The following INPP4A variants were observed in gnomAD, a reference collection of about 807,000 sequenced individuals.
INPP4A encodes the protein inositol polyphosphate-4-phosphatase type I A, also known as inositol polyphosphate-4-phosphatase, type I, 107kD.
A neutral mutation model predicts 119.8 loss-of-function variants in INPP4A; 33 were observed. The ratio of observed to expected loss-of-function variants is 0.28; its 90% confidence interval spans 0.21 to 0.37. The LOEUF (loss-of-function observed/expected upper bound fraction) is 0.37. INPP4A is among the 10% of genes least tolerant of loss of function. INPP4A has a pLI of 1.00. For missense variants in INPP4A, 956 were observed against 1,289.9 expected (o/e 0.74, Z 3.97); for synonymous variants, 496 against 500.7 (o/e 0.99, Z 0.12).
Position 98,552,821 on chromosome 2 carries a change from C to T in INPP4A, c.1199C>T (p.Pro400Leu). ...GGCTGCCAGTCCATAATCTACATAC[C>T]CCAGGATGTTGTCAGAGCCAAGGAG... ...SSGCQSIIYI[P>L]QDVVRAKEII... The change falls in exon 14 of 25, where the codon CCC becomes CTC. Residue 400 changes from proline (P) to leucine (L), a missense_variant. By Grantham distance (98) the Pro-to-Leu change is moderately conservative. Coordinates refer to ENST00000409851, the MANE Select transcript of INPP4A (RefSeq NM_001134225.2). 1 of 1,613,734 alleles carries T rather than the reference C, an allele frequency of 6.2e-7. No individual in the cohort carries two copies. The highest frequency in any genetic ancestry group is 1.3e-5 in the African/African-American group (1 of 75,036).
Position 98,467,140 on chromosome 2 carries a change from G to T in INPP4A, c.-166+22055G>T, listed in dbSNP as rs62156355. On this transcript the variant is annotated intron_variant, in intron 1 of 24. Transcript: ENST00000409851. ...AGAGGAAGGAAGGGAGCGGGTGGTG[G>T]TGGTGGTGTCCCAGGCTCTTTTCAC... 4.3e-3 allele frequency among the ~76,000 whole-genome samples: 656 copies of T among 152,252 alleles called. 1 individual carries two copies. Among genetic ancestry groups the T allele is most frequent in the Non-Finnish European group, 5.8e-3 (392 of 68,022 alleles).
intron 24 of INPP4A, among the ~76,000 whole-genome samples, chr2:98,582,068 CTATT>C (rs1444650889): frequency 6.6e-6 from 1 of 152,212 alleles, no homozygotes; most frequent in Non-Finnish European, 1.5e-5. Flanking sequence ...TGATGTACAA[CTATT>C]TATCACCTGT....
intron 1 of INPP4A, among the ~76,000 whole-genome samples, chr2:98,454,224 C>A (rs1695702351): frequency 6.6e-6 from 1 of 152,232 alleles, no homozygotes; most frequent in Non-Finnish European, 1.5e-5. Flanking sequence ...CCAGTGAAAG[C>A]ATTGCTGCTT....
chr2:98,564,181 C>A (rs939983221), intron 18 of INPP4A, among the ~76,000 whole-genome samples: 3 of 152,156 alleles, frequency 2.0e-5, no homozygotes, highest in African/African-American at 7.2e-5. Flanking sequence ...TTCCCTCACC[C>A]ATCCTGGAGA....
intron 1 of INPP4A, among the ~76,000 whole-genome samples, chr2:98,470,693 A>G (rs1675823485): frequency 6.6e-6 from 1 of 151,274 alleles, no homozygotes; most frequent in South Asian, 2.1e-4. Context: ...TTTGAGACGG[A>G]GTCTTGCTCT....
At chr2:98,547,314 G>A (rs1559050857) in intron 13 of INPP4A, among the ~76,000 whole-genome samples, 2 of 152,156 alleles carry the variant, frequency 1.3e-5, no homozygotes, top group Non-Finnish European at 1.5e-5. Context: ...CTGGTTCCAG[G>A]AGCTCAGGGC....
At chr2:98,534,054 C>G (rs2105924259) in intron 5 of INPP4A, among the ~76,000 whole-genome samples, 1 of 152,352 alleles carries the variant, frequency 6.6e-6, no homozygotes, top group South Asian at 2.1e-4. Flanking sequence ...GCATGAGATT[C>G]TGCAGAGTTT....
In INPP4A at chr2:98,546,683, G is replaced by C. The variant is rs747532623; in HGVS notation, c.1152G>C (p.Glu384Asp). The C allele has an allele frequency of 1.9e-6, 3 of 1,606,028 alleles. No individual in the cohort carries two copies. Among genetic ancestry groups the C allele is most frequent in the Non-Finnish European group, 2.6e-6 (3 of 1,172,662 alleles). Residue 384 changes from glutamate (E) to aspartate (D), a missense_variant, in exon 13 of 25, where the codon GAG (glutamate) becomes GAC (aspartate). This residue lies in a region of INPP4A where 652 missense variants were observed against 797.9 expected (regional missense o/e 0.82). Transcript: ENST00000409851. The surrounding 1 kb of genome is among the most constrained non-coding windows in gnomAD (Gnocchi z 4.2). ...GLRKKLHKFE[E>D]TKKHTSSGCQ... ...GCAAAAAGCTGCACAAATTTGAAGA[G>C]ACCAAGAAACAGTAAGTAGCCAGAG...
chr2:98,553,130 G>T (rs1169924019), intron 14 of INPP4A, among the ~76,000 whole-genome samples, 161 bp downstream of exon 14: 2 of 152,234 alleles, frequency 1.3e-5, no homozygotes, highest in Non-Finnish European at 2.9e-5. Context: ...GCCCAGGGAG[G>T]TTTTGTGATT....
intron 24 of INPP4A, among the ~76,000 whole-genome samples, chr2:98,586,365 G>A (rs1699950744): frequency 1.3e-5 from 2 of 151,424 alleles, no homozygotes; most frequent in South Asian, 4.2e-4. Context: ...GTGACATAAT[G>A]GTCTTCATAC....
At chr2:98,549,625 G>A (rs1176256295) in intron 13 of INPP4A, among the ~76,000 whole-genome samples, 1 of 152,176 alleles carries the variant, frequency 6.6e-6, no homozygotes, top group Non-Finnish European at 1.5e-5. Context: ...GGCACCTGCA[G>A]CCCCTCAAGA....
chr2:98,510,410 A>G (rs1354864442), intron 1 of INPP4A, among the ~76,000 whole-genome samples: 3 of 152,194 alleles, frequency 2.0e-5, no homozygotes, highest in Non-Finnish European at 2.9e-5. Flanking sequence ...AGGGATATCC[A>G]TGTCCCTATC....
chr2:98,475,248 A>T (rs1211461408), intron 1 of INPP4A, among the ~76,000 whole-genome samples: 1 of 152,060 alleles, frequency 6.6e-6, no homozygotes, highest in African/African-American at 2.4e-5. Flanking sequence ...GAAGCTTGGG[A>T]GACAGAGGAG....
chr2:98,555,243 AGAG>A (rs1375405511), intron 15 of INPP4A, among the ~76,000 whole-genome samples: 2 of 152,176 alleles, frequency 1.3e-5, no homozygotes, highest in African/African-American at 4.8e-5. Context: ...TGCAGTGGCA[AGAG>A]GAGGAGATGA....
At chr2:98,479,686 A>T (rs3769734) in intron 1 of INPP4A, among the ~76,000 whole-genome samples, 36,505 of 152,184 alleles carry the variant, frequency 0.24, 4,569 homozygotes, top group Middle Eastern at 0.35. Flanking sequence ...AGCTTTTCTG[A>T]AACAACTAAT....
At chr2:98,580,845 C>T (rs1699194288) in intron 24 of INPP4A, among the ~76,000 whole-genome samples, 1 of 152,268 alleles carries the variant, frequency 6.6e-6, no homozygotes, top group Non-Finnish European at 1.5e-5. Context: ...GGTACCATCT[C>T]ACCTCAGTGC....
chr2:98,546,721 C>A lies in INPP4A; in HGVS notation c.1163+27C>A. The stretch of plus-strand genomic sequence containing the variant: ...TAAGTAGCCAGAGAGGGTTTGTGGT[C>A]CTTGTACAGCTTTCTGATGCTTCTT... On this transcript the variant is annotated intron_variant, in intron 13 of 24. Coordinates refer to ENST00000409851, the MANE Select transcript of INPP4A (RefSeq NM_001134225.2). This position sits in a 1 kb window ranked among gnomAD's most constrained non-coding sequence, Gnocchi z 4.2. 2 of 1,306,600 alleles carry A rather than the reference C, an allele frequency of 1.5e-6. No individual in the cohort carries two copies. Among genetic ancestry groups the A allele is most frequent in the South Asian group, 1.2e-5 (1 of 83,758 alleles). The allele number at this position is 1,306,600 out of a possible 1,614,324, so 80.9% of individuals were successfully genotyped here.
At chr2:98,496,729 G>T (rs1210832638) in intron 1 of INPP4A, among the ~76,000 whole-genome samples, 3 of 152,300 alleles carry the variant, frequency 2.0e-5, no homozygotes, top group East Asian at 1.9e-4. Flanking sequence ...TTTCCCAAAA[G>T]AAGACATGCA....
At chr2:98,497,594 A>G (rs967167251) in intron 1 of INPP4A, among the ~76,000 whole-genome samples, 1 of 152,110 alleles carries the variant, frequency 6.6e-6, no homozygotes, top group Non-Finnish European at 1.5e-5. Context: ...TTTAAATTGG[A>G]TTATTTGTTT....
Sources: allele counts gnomAD v4.1 joint callset (sites outside exome capture counted in the v4.1 genomes callset), GRCh38; gene constraint gnomAD v4.1.1; regional missense constraint gnomAD v4.1.1; non-coding constraint Gnocchi (gnomAD v3.1); transcripts MANE v1.5; gene names NCBI Gene and HGNC (gene_info 2026-07-23, HGNC 2026-07-21).